CUBN: variants seen among roughly 807,000 people sequenced by gnomAD.
The protein encoded by CUBN is 460 kDa receptor.
Under a neutral mutation model 405.3 loss-of-function variants are expected in CUBN, and 282 were observed. The observed-to-expected ratio is 0.70, with a 90% CI of 0.63 to 0.77. The LOEUF is 0.77. CUBN is among the 30% of genes least tolerant of loss of function. The pLI is 0.00. For missense variants in CUBN, 4,514 were observed against 4,475.2 expected (o/e 1.01, Z -0.25); for synonymous variants, 1,684 against 1,617.0 (o/e 1.04, Z -0.99).
At chr10:16,994,891 A>G (rs1008821402) in intron 28 of CUBN, among the ~76,000 whole-genome samples, 4 of 152,198 alleles carry the variant, frequency 2.6e-5, no homozygotes, top group African/African-American at 9.6e-5. Context: ...TGAGTTCGAG[A>G]CCAGCCTGTC....
intron 17 of CUBN, among the ~76,000 whole-genome samples, chr10:17,083,692 A>G (rs1210745535): frequency 6.6e-6 from 1 of 152,144 alleles, no homozygotes; most frequent in Non-Finnish European, 1.5e-5. Flanking sequence ...TTTAACTTGC[A>G]CAAACAAACA....
chr10:17,062,132 T>C (rs1280359853), intron 22 of CUBN, among the ~76,000 whole-genome samples: 1 of 152,188 alleles, frequency 6.6e-6, no homozygotes, highest in Admixed American at 6.5e-5. Context: ...TAAACTCTGA[T>C]ACTTTCTCTC....
At chr10:16,891,503 A>T (rs74116751) in intron 54 of CUBN, among the ~76,000 whole-genome samples, 1,686 of 152,024 alleles carry the variant, frequency 0.011, 39 homozygotes, top group African/African-American at 0.038. Context: ...CACGTTAGAG[A>T]CTCGGGCCAC....
At chr10:16,879,532 GTT>G (rs1554787066) in intron 56 of CUBN, among the ~76,000 whole-genome samples, 1 of 152,158 alleles carries the variant, frequency 6.6e-6, no homozygotes, top group Non-Finnish European at 1.5e-5. Flanking sequence ...CAGACATCCT[GTT>G]TGCTGTTTGC....
Position 16,940,029 on chromosome 10 carries a change from T to C in CUBN, c.5548+3A>G. ...AGCTATCACTAAAATAGAAACAACTTACTCTTCATAAATGTGGCCTGGAAG... is the reference window on the plus strand; with the variant it reads ...AGCTATCACTAAAATAGAAACAACTCACTCTTCATAAATGTGGCCTGGAAG... On this transcript the variant is annotated splice_donor_region_variant and intron_variant, in intron 37 of 66. Transcript: ENST00000377833. 1 of 1,612,078 alleles carries C rather than the reference T, an allele frequency of 6.2e-7. No homozygotes were observed. The highest frequency in any genetic ancestry group is 8.5e-7 in the Non-Finnish European group (1 of 1,178,128).
chr10:17,009,309 T>G (rs778441664), intron 28 of CUBN, among the ~76,000 whole-genome samples: 5 of 152,162 alleles, frequency 3.3e-5, no homozygotes, highest in Non-Finnish European at 7.4e-5. Context: ...AGTTTTGAAA[T>G]AGTAAACAGG....
At chr10:17,125,989 T>C (rs1837174090) in intron 4 of CUBN, among the ~76,000 whole-genome samples, 1 of 152,170 alleles carries the variant, frequency 6.6e-6, no homozygotes, top group African/African-American at 2.4e-5. Flanking sequence ...GGGACCTGCC[T>C]CAATCTGCAT....
chr10:17,112,563 T>C (rs1836794902), intron 8 of CUBN, among the ~76,000 whole-genome samples: 1 of 152,278 alleles, frequency 6.6e-6, no homozygotes, highest in South Asian at 2.1e-4. Flanking sequence ...GATTTATAGT[T>C]TTTAAAGATT....
At chr10:17,057,598 G>C (rs912364393) in intron 22 of CUBN, among the ~76,000 whole-genome samples, 9 of 151,940 alleles carry the variant, frequency 5.9e-5, no homozygotes, top group Non-Finnish European at 1.2e-4. Context: ...CTACTCCTAG[G>C]TATTTTACGC....
Position 17,078,174 on chromosome 10 carries a change from C to T in CUBN, c.2301+6097G>A, listed in dbSNP as rs563908498. Among the ~76,000 whole-genome samples, 16 of 152,202 alleles carry T rather than the reference C, an allele frequency of 1.1e-4. No homozygotes were observed. The South Asian group carries it at 3.1e-3, about 30-fold the overall frequency. On this transcript the variant is annotated intron_variant, in intron 17 of 66. Transcript: ENST00000377833. ...ACAAGGAACATTCTAATTGTTTGTCCTTGCATATAGAATATAACCCAGGCT... is the reference window on the plus strand; with the variant it reads ...ACAAGGAACATTCTAATTGTTTGTCTTTGCATATAGAATATAACCCAGGCT...
intron 14 of CUBN, among the ~76,000 whole-genome samples, chr10:17,090,358 A>C (rs749873739): frequency 1.3e-5 from 2 of 152,184 alleles, no homozygotes; most frequent in Non-Finnish European, 2.9e-5. Context: ...TCAAAAACTA[A>C]TAAAAACTGT....
chr10:16,872,420 A>G (rs1469511418), intron 58 of CUBN, among the ~76,000 whole-genome samples: 1 of 151,990 alleles, frequency 6.6e-6, no homozygotes, highest in Non-Finnish European at 1.5e-5. Flanking sequence ...GTTGGTATGT[A>G]TACCATGGTT....
intron 50 of CUBN, among the ~76,000 whole-genome samples, chr10:16,905,953 A>C (rs561833823): frequency 6.6e-6 from 1 of 152,222 alleles, no homozygotes; most frequent in East Asian, 1.9e-4. Context: ...TCTCTACAAA[A>C]AATTTTAATA....
rs567548685 is a variant in CUBN, at chr10:16,958,567, A to G, written c.4696-4019T>C. On this transcript the variant is annotated intron_variant, in intron 31 of 66. Coordinates refer to ENST00000377833, the MANE Select transcript of CUBN (RefSeq NM_001081.4). The stretch of plus-strand genomic sequence containing the variant: ...TCATGTGTCCCGGAATTCAAATTAT[A>G]TACCAATGACACCCCAAATGTGATG... Among the ~76,000 whole-genome samples the G allele has an allele frequency of 2.6e-5, 4 of 152,312 alleles. No homozygotes were observed. The East Asian group carries it at 7.7e-4, about 29-fold the overall frequency.
chr10:16,846,812 C>A (rs1358553073), intron 60 of CUBN, among the ~76,000 whole-genome samples: 210 of 134,888 alleles, frequency 1.6e-3, no homozygotes, highest in Middle Eastern at 3.6e-3. Flanking sequence ...AACTCTGTCT[C>A]AAAAAAAAAA....
intron 4 of CUBN, 123 bp from the exon 5 acceptor site, chr10:17,123,812 A>C (rs1837102124): frequency 1.5e-6 from 1 of 683,316 alleles, no homozygotes; most frequent in Non-Finnish European, 2.7e-6. Context: ...TACACTTTAA[A>C]GCCATTACTT....
At chr10:16,902,828 TG>T (rs1841433751) in intron 51 of CUBN, among the ~76,000 whole-genome samples, 1 of 152,154 alleles carries the variant, frequency 6.6e-6, no homozygotes, top group African/African-American at 2.4e-5. Flanking sequence ...GGTTGGGCTC[TG>T]AGGTTTTGAT....
chr10:16,889,828 G>A (rs1381722198), intron 55 of CUBN, among the ~76,000 whole-genome samples: 1 of 151,744 alleles, frequency 6.6e-6, no homozygotes, highest in Non-Finnish European at 1.5e-5. Flanking sequence ...CTTGAACCCA[G>A]GAGGTGGAGG....
At chr10:16,895,916 C>A (rs571704682) in intron 54 of CUBN, among the ~76,000 whole-genome samples, 1 of 152,172 alleles carries the variant, frequency 6.6e-6, no homozygotes, top group Admixed American at 6.5e-5. Flanking sequence ...TATATAATTT[C>A]TGTTTACTTT....
Sources: allele counts gnomAD v4.1 joint callset (sites outside exome capture counted in the v4.1 genomes callset), GRCh38; gene constraint gnomAD v4.1.1; transcripts MANE v1.5; gene names NCBI Gene and HGNC (gene_info 2026-07-23, HGNC 2026-07-21).